OGDH: variants seen among roughly 807,000 people sequenced by gnomAD.
The protein encoded by OGDH is 2-oxoglutarate dehydrogenase complex component E1.
A neutral mutation model predicts 116.6 loss-of-function variants in OGDH; 38 were observed. The ratio of observed to expected loss-of-function variants is 0.33; its 90% confidence interval spans 0.25 to 0.43. The LOEUF is 0.43. Ranked by LOEUF, OGDH falls within the 20% of genes least tolerant of loss-of-function variation. OGDH has a pLI of 1.00. For missense variants in OGDH, 825 were observed against 1,357.2 expected (o/e 0.61, Z 6.16); for synonymous variants, 488 against 533.3 (o/e 0.92, Z 1.17).
Position 44,708,016 on chromosome 7 carries a change from C to T in OGDH, c.*17C>T. On this transcript the variant is annotated 3_prime_UTR_variant, in exon 23 of 23. Transcript: ENST00000222673. The stretch of plus-strand genomic sequence containing the variant: ...TTCTCGTAGATGCTGCCTAGGGTTG[C>T]TTGGGCCACTGCCCTCTCCACACCC... 1 of 1,608,782 alleles carries T rather than the reference C, an allele frequency of 6.2e-7. No homozygotes were observed.
At chr7:44,635,394 A>G (rs1396622727) in intron 2 of OGDH, among the ~76,000 whole-genome samples, 1 of 152,172 alleles carries the variant, frequency 6.6e-6, no homozygotes, top group East Asian at 1.9e-4. Context: ...AGGGCCTTTG[A>G]GCATGGGTGT....
At position 44,669,145 on chromosome 7, in the gene OGDH, C is replaced by CTTTTTT. The variant is rs869250474; in HGVS notation, c.633+2314_633+2319dup. 1.0e-3 allele frequency among the ~76,000 whole-genome samples: 81 copies of CTTTTTT among 77,800 alleles called. 7 individuals carry two copies. The highest frequency in any genetic ancestry group is 4.8e-3 in the African/African-American group (66 of 13,670). The allele number at this position is 77,800 out of a possible 152,430, so 51.0% of individuals were successfully genotyped here. A position where few individuals can be genotyped will look rare whatever the true frequency, so the allele number is the denominator to read the frequency against. On this transcript the variant is annotated intron_variant, in intron 5 of 22. Transcript: ENST00000222673. Reference sequence around the variant, plus strand: ...GAGTCCCCTGTGGGGAGCCCGGCAGCTTTTTTTTTTTTTTTTTTTTTTTTT... The same window carrying CTTTTTT: ...GAGTCCCCTGTGGGGAGCCCGGCAGCTTTTTTTTTTTTTTTTTTTTTTTTTTTTTTT...
intron 10 of OGDH, among the ~76,000 whole-genome samples, chr7:44,686,595 A>G (rs1788132859): frequency 6.6e-6 from 1 of 151,656 alleles, no homozygotes; most frequent in South Asian, 2.1e-4. Context: ...TATAATTAAT[A>G]TTATTCCCTT....
At chr7:44,639,912 T>C (rs1441607139) in intron 2 of OGDH, among the ~76,000 whole-genome samples, 1 of 152,250 alleles carries the variant, frequency 6.6e-6, no homozygotes, top group Non-Finnish European at 1.5e-5. Context: ...CCAGTTTTTT[T>C]CTGACTGCCT....
chr7:44,701,759 A>C (rs1788840999), intron 20 of OGDH, 144 bp downstream of exon 20: 3 of 777,094 alleles, frequency 3.9e-6, no homozygotes, highest in Non-Finnish European at 6.5e-6. Context: ...CCCGTGATAC[A>C]TGGCTGGGCA....
chr7:44,686,046 C>CTTTTTTTTTTTTTTTTTTTTTTTTTTT (rs947000633), intron 10 of OGDH, among the ~76,000 whole-genome samples: 2 of 144,836 alleles, frequency 1.4e-5, no homozygotes, highest in African/African-American at 2.5e-5. Flanking sequence ...TTCTTTCTTT[C>CTTTTTTTTTTTTTTTTTTTTTTTTTTT]TTTTTTTTTT....
intron 19 of OGDH, 146 bp downstream of exon 19, chr7:44,700,415 C>T (rs1010141201): frequency 1.0e-6 from 1 of 996,934 alleles, no homozygotes; most frequent in Non-Finnish European, 1.4e-6. Flanking sequence ...GTCAGGGAGC[C>T]TCGCCCTTCC....
chr7:44,701,512 T>A, intron 19 of OGDH, 31 bp from the exon 20 acceptor site: 1 of 1,598,684 alleles, frequency 6.3e-7, no homozygotes, highest in African/African-American at 1.3e-5. Context: ...CAGAATCTGA[T>A]CCTTCACGAG....
intron 2 of OGDH, among the ~76,000 whole-genome samples, chr7:44,626,475 T>C (rs1175055359): frequency 6.6e-6 from 1 of 152,216 alleles, no homozygotes; most frequent in African/African-American, 2.4e-5. Flanking sequence ...CATAACCTTT[T>C]CTTGGAACCA....
At chr7:44,680,986 G>T (rs1787907083) in intron 9 of OGDH, among the ~76,000 whole-genome samples, 2 of 152,214 alleles carry the variant, frequency 1.3e-5, no homozygotes. Flanking sequence ...AAATAAACAA[G>T]GGAGAAGGGA....
intron 4 of OGDH, among the ~76,000 whole-genome samples, chr7:44,659,448 A>G (rs1337766589): frequency 6.6e-6 from 1 of 152,238 alleles, no homozygotes; most frequent in East Asian, 1.9e-4. Context: ...TCCAAAAGAC[A>G]GTAAATAGAA....
chr7:44,630,038 G>C (rs973064060), intron 2 of OGDH, among the ~76,000 whole-genome samples: 21 of 152,190 alleles, frequency 1.4e-4, no homozygotes, highest in African/African-American at 5.1e-4. Flanking sequence ...CTGCTCATCT[G>C]TCGACACCGT....
chr7:44,708,121 C>A lies in OGDH; in HGVS notation c.*122C>A, dbSNP rs1789170256. 7.5e-7 allele frequency: 1 copy of A among 1,335,368 alleles called. No individual in the cohort carries two copies. The highest frequency in any genetic ancestry group is 1.0e-6 in the Non-Finnish European group (1 of 978,432). 82.7% of individuals were successfully genotyped at this position (1,335,368 alleles called of 1,614,324 possible). ...ACCGCCCTCCTCGCTGTGCCACCACCCCTCCCTCTGCTCTCATAGGAGTTA... is the reference window on the plus strand; with the variant it reads ...ACCGCCCTCCTCGCTGTGCCACCACACCTCCCTCTGCTCTCATAGGAGTTA... On this transcript the variant is annotated 3_prime_UTR_variant, in exon 23 of 23. Coordinates refer to ENST00000222673, the MANE Select transcript of OGDH (RefSeq NM_002541.4).
rs1394748391 is a variant in OGDH, at chr7:44,645,405, C to T, written c.301C>T (p.Arg101Ter). The change falls in exon 3 of 23, where the codon CGA (arginine) becomes TGA (stop). Residue 101 changes from arginine (R) to a stop codon, truncating the protein, a stop_gained. Transcript: ENST00000222673. LOFTEE classifies it high-confidence loss of function. ...CTACCAGAGTCCCCTTCCCCTGAGC[C>T]GAGGCTCCCTGGCTGCTGTGGCCCA... ...TAYQSPLPLSRGSLAAVAHAQ... is the reference protein window; with the variant it reads ...TAYQSPLPLS The T allele has an allele frequency of 4.3e-6, 7 of 1,614,082 alleles. No homozygotes were observed. The highest frequency in any genetic ancestry group is 2.2e-5 in the East Asian group (1 of 44,896).
In OGDH at chr7:44,675,501, G is replaced by C. The variant is rs79576960; in HGVS notation, c.1026+233G>C. ...GCAGGGGTGTGTCCCCTCTGGCTGAGGGACGTTCTCCTTATGCCCTGGATG... is the reference window on the plus strand; with the variant it reads ...GCAGGGGTGTGTCCCCTCTGGCTGACGGACGTTCTCCTTATGCCCTGGATG... On this transcript the variant is annotated intron_variant, in intron 8 of 22. Transcript: ENST00000222673. Among the ~76,000 whole-genome samples, 678 of 152,274 alleles carry C rather than the reference G, an allele frequency of 4.5e-3. 6 individuals carry two copies. The highest frequency in any genetic ancestry group is 0.016 in the African/African-American group (650 of 41,546).
At chr7:44,695,178 C>T (rs75371374) in intron 12 of OGDH, among the ~76,000 whole-genome samples, 1 of 152,054 alleles carries the variant, frequency 6.6e-6, no homozygotes, top group South Asian at 2.1e-4. Flanking sequence ...TCACTGCAAC[C>T]TCCACCTCCT....
At chr7:44,654,519 G>A (rs764111009) in intron 4 of OGDH, among the ~76,000 whole-genome samples, 9 of 152,190 alleles carry the variant, frequency 5.9e-5, no homozygotes, top group Non-Finnish European at 1.3e-4. Flanking sequence ...ATTAGCTTTT[G>A]TAATTTCAGA....
At chr7:44,673,359 T>C (rs889108496) in intron 5 of OGDH, among the ~76,000 whole-genome samples, 6 of 152,208 alleles carry the variant, frequency 3.9e-5, no homozygotes, top group Non-Finnish European at 8.8e-5. Context: ...CCTGCAAATC[T>C]TTAACAGCCA....
rs1789200906 is a variant in OGDH at position 44,708,829 on chromosome 7, C to T, written c.*830C>T. 6.6e-6 allele frequency: 1 copy of T among 152,240 alleles called. No homozygotes were observed. Among genetic ancestry groups the T allele is most frequent in the South Asian group, 2.1e-4 (1 of 4,830 alleles). 9.4% of individuals were successfully genotyped at this position (152,240 alleles called of 1,614,324 possible). Reference sequence around the variant, plus strand: ...ACCACTCTTTCTTTCTCCTTTAACCCAATGGAGACTTTCTGATGCATCGTT... The same window carrying T: ...ACCACTCTTTCTTTCTCCTTTAACCTAATGGAGACTTTCTGATGCATCGTT... On this transcript the variant is annotated 3_prime_UTR_variant, in exon 23 of 23. Coordinates refer to ENST00000222673, the MANE Select transcript of OGDH (RefSeq NM_002541.4).
Sources: allele counts gnomAD v4.1 joint callset (sites outside exome capture counted in the v4.1 genomes callset), GRCh38; gene constraint gnomAD v4.1.1; transcripts MANE v1.5; gene names NCBI Gene and HGNC (gene_info 2026-07-23, HGNC 2026-07-21).